PTPRD: variants seen among roughly 807,000 people sequenced by gnomAD.
The protein encoded by PTPRD is protein tyrosine phosphatase receptor type D, also known as receptor-type tyrosine-protein phosphatase delta.
A neutral mutation model predicts 214.5 loss-of-function variants in PTPRD; 34 were observed. The observed-to-expected ratio is 0.16, with a 90% CI of 0.12 to 0.21. The LOEUF (loss-of-function observed/expected upper bound fraction) is 0.21. PTPRD is among the 10% of genes least tolerant of loss of function. The probability of loss-of-function intolerance (pLI) is 1.00; values close to 1 mark genes in which losing one functional copy is unlikely to be tolerated. For synonymous variants in PTPRD, 1,128 were observed against 845.7 expected (o/e 1.33, Z -5.79); for missense variants, 2,545 against 2,398.7 (o/e 1.06, Z -1.27).
intron 9 of PTPRD, among the ~76,000 whole-genome samples, chr9:9,382,440 T>C (rs1039262528): frequency 6.6e-6 from 1 of 152,064 alleles, no homozygotes; most frequent in African/African-American, 2.4e-5. Context: ...GATAAAGGGC[T>C]AATATCCAAA....
chr9:10,488,130 G>A (rs1181789643), intron 2 of PTPRD, among the ~76,000 whole-genome samples: 2 of 151,902 alleles, frequency 1.3e-5, no homozygotes. Context: ...CACTTTGGGA[G>A]CCCGAGCCGG....
At chr9:9,260,720 TAATAG>T (rs1363194449) in intron 9 of PTPRD, among the ~76,000 whole-genome samples, 12 of 151,968 alleles carry the variant, frequency 7.9e-5, no homozygotes, top group South Asian at 2.1e-4. Context: ...AAACTTCAAT[TAATAG>T]AATAGAATAG....
intron 11 of PTPRD, among the ~76,000 whole-genome samples, chr9:8,893,966 G>T (rs1444053588): frequency 6.6e-6 from 1 of 151,914 alleles, no homozygotes; most frequent in African/African-American, 2.4e-5. Flanking sequence ...GACAAGAAAA[G>T]ATATACAGCT....
intron 12 of PTPRD, among the ~76,000 whole-genome samples, chr9:8,651,211 T>C (rs886887908): frequency 2.0e-5 from 3 of 152,180 alleles, no homozygotes; most frequent in Non-Finnish European, 4.4e-5. Context: ...ACGTTTAATC[T>C]TGCTAACCAC....
chr9:9,964,492 T>C (rs906209306), intron 4 of PTPRD, among the ~76,000 whole-genome samples: 4 of 152,192 alleles, frequency 2.6e-5, no homozygotes, highest in South Asian at 2.1e-4. Flanking sequence ...GACAATAGTT[T>C]CCTTCGCAGG....
chr9:10,176,478 A>C (rs1024019064), intron 3 of PTPRD, among the ~76,000 whole-genome samples: 1 of 152,022 alleles, frequency 6.6e-6, no homozygotes, highest in Non-Finnish European at 1.5e-5. Flanking sequence ...CAGAAATCAA[A>C]TCAATTATCA....
At chr9:9,445,449 G>A (rs1441621820) in intron 8 of PTPRD, among the ~76,000 whole-genome samples, 1 of 152,126 alleles carries the variant, frequency 6.6e-6, no homozygotes, top group Non-Finnish European at 1.5e-5. Flanking sequence ...TTCTCATGCT[G>A]CTATAAAGAA....
At chr9:10,368,372 A>T (rs1299483708) in intron 2 of PTPRD, among the ~76,000 whole-genome samples, 1 of 152,144 alleles carries the variant, frequency 6.6e-6, no homozygotes, top group Non-Finnish European at 1.5e-5. Context: ...TGCTAGAGAC[A>T]GTGATGACAC....
At chr9:10,583,522 G>T (rs892622224) in intron 2 of PTPRD, among the ~76,000 whole-genome samples, 1 of 151,870 alleles carries the variant, frequency 6.6e-6, no homozygotes, top group African/African-American at 2.4e-5. Flanking sequence ...CGCGATCTGG[G>T]CTCACTGCAA....
At chr9:8,465,707 A>C in intron 31 of PTPRD, 32 bp from the exon 32 acceptor site, 1 of 1,556,882 alleles carries the variant, frequency 6.4e-7, no homozygotes, top group Non-Finnish European at 8.8e-7. Context: ...CAGAAAAAGA[A>C]CTGTAAATAA....
intron 2 of PTPRD, among the ~76,000 whole-genome samples, chr9:10,482,418 T>C (rs2099106719): frequency 6.6e-6 from 1 of 151,640 alleles, no homozygotes; most frequent in Non-Finnish European, 1.5e-5. Flanking sequence ...ATCAATAATA[T>C]TATAACAATA....
chr9:9,490,001 G>C (rs577268469), intron 8 of PTPRD, among the ~76,000 whole-genome samples: 1 of 151,988 alleles, frequency 6.6e-6, no homozygotes, highest in Non-Finnish European at 1.5e-5. Context: ...AATCTTAAAA[G>C]GAGCAAGAGA....
intron 2 of PTPRD, among the ~76,000 whole-genome samples, chr9:10,490,648 T>C (rs908903314): frequency 6.6e-6 from 1 of 152,156 alleles, no homozygotes; most frequent in African/African-American, 2.4e-5. Flanking sequence ...TTTTTCTCTA[T>C]ATTCTCCTTA....
At chr9:9,975,368 A>T (rs2095314576) in intron 4 of PTPRD, among the ~76,000 whole-genome samples, 1 of 152,232 alleles carries the variant, frequency 6.6e-6, no homozygotes, top group Non-Finnish European at 1.5e-5. Context: ...CCTGAATAAC[A>T]TGTGAGAGCT....
intron 5 of PTPRD, among the ~76,000 whole-genome samples, chr9:9,910,593 AG>A (rs1487503512): frequency 6.6e-6 from 1 of 151,962 alleles, no homozygotes; most frequent in Non-Finnish European, 1.5e-5. Flanking sequence ...CTAAATTATA[AG>A]TGTGTTGCTT....
At chr9:9,629,125 G>C (rs887261252) in intron 7 of PTPRD, among the ~76,000 whole-genome samples, 6 of 151,502 alleles carry the variant, frequency 4.0e-5, no homozygotes, top group African/African-American at 1.5e-4. Context: ...AGTGAGCCAA[G>C]ATCACGCCAT....
chr9:9,363,163 T>C (rs1262258401), intron 9 of PTPRD, among the ~76,000 whole-genome samples: 2 of 149,184 alleles, frequency 1.3e-5, no homozygotes, highest in Non-Finnish European at 3.0e-5. Flanking sequence ...GAACTGGATA[T>C]GACATATCTT....
chr9:8,705,074 A>G (rs1399847152), intron 12 of PTPRD, among the ~76,000 whole-genome samples: 1 of 152,140 alleles, frequency 6.6e-6, no homozygotes, highest in Non-Finnish European at 1.5e-5. Flanking sequence ...GCCTCTCCTT[A>G]TATTACTGCA....
intron 5 of PTPRD, among the ~76,000 whole-genome samples, chr9:9,867,581 C>T (rs2064300012): frequency 6.6e-6 from 1 of 151,874 alleles, no homozygotes; most frequent in Non-Finnish European, 1.5e-5. Context: ...GTTGCTATTT[C>T]AAAGGAGAAT....
Sources: allele counts gnomAD v4.1 joint callset (sites outside exome capture counted in the v4.1 genomes callset), GRCh38; gene constraint gnomAD v4.1.1; transcripts MANE v1.5; gene names NCBI Gene and HGNC (gene_info 2026-07-23, HGNC 2026-07-21).